Variants in UBE2E2 observed in about 807,000 individuals in gnomAD.
The protein encoded by UBE2E2 is ubiquitin conjugating enzyme E2 E2, also known as ubiquitin-conjugating enzyme E2 E2.
A neutral mutation model predicts 24.7 loss-of-function variants in UBE2E2; 6 were observed. The observed-to-expected ratio is 0.24, with a 90% CI of 0.13 to 0.48. UBE2E2 has a LOEUF of 0.48. Ranked by LOEUF, UBE2E2 falls within the 20% of genes least tolerant of loss-of-function variation. The probability of loss-of-function intolerance (pLI) is 0.99; values close to 1 mark genes in which losing one functional copy is unlikely to be tolerated. For synonymous variants in UBE2E2, 104 were observed against 83.6 expected (o/e 1.24, Z -1.33); for missense variants, 169 against 245.0 (o/e 0.69, Z 2.07).
At chr3:23,512,849 G>T (rs1011142591) in intron 4 of UBE2E2, among the ~76,000 whole-genome samples, 1 of 152,122 alleles carries the variant, frequency 6.6e-6, no homozygotes, top group African/African-American at 2.4e-5. Flanking sequence ...GTAGGCCAAT[G>T]CACGAGAATT....
chr3:23,383,482 TTTC>T (rs1696728261), intron 3 of UBE2E2, among the ~76,000 whole-genome samples: 1 of 152,162 alleles, frequency 6.6e-6, no homozygotes, highest in Admixed American at 6.5e-5. Context: ...CCTTTTTTTT[TTTC>T]TGTTTAACTG....
intron 3 of UBE2E2, among the ~76,000 whole-genome samples, chr3:23,436,451 G>A (rs1698186267): frequency 6.6e-6 from 1 of 152,090 alleles, no homozygotes; most frequent in Non-Finnish European, 1.5e-5. Flanking sequence ...TGTAGCATCT[G>A]TTGTATTCTC....
At chr3:23,344,582 T>A (rs938571208) in intron 3 of UBE2E2, among the ~76,000 whole-genome samples, 1 of 152,024 alleles carries the variant, frequency 6.6e-6, no homozygotes, top group African/African-American at 2.4e-5. Flanking sequence ...ATGAAGATAT[T>A]AAGAATTAAA....
At chr3:23,440,619 T>C (rs17013241) in intron 3 of UBE2E2, among the ~76,000 whole-genome samples, 15,542 of 152,198 alleles carry the variant, frequency 0.1, 928 homozygotes, top group East Asian at 0.13. Flanking sequence ...GGCTTTGAAA[T>C]ATAGAACCGT....
intron 3 of UBE2E2, among the ~76,000 whole-genome samples, chr3:23,299,931 A>G (rs917464166): frequency 7.9e-5 from 12 of 152,208 alleles, no homozygotes; most frequent in East Asian, 3.9e-4. Flanking sequence ...GTCTCTTTGT[A>G]GGTCACTCAG....
intron 3 of UBE2E2, among the ~76,000 whole-genome samples, chr3:23,481,478 C>A (rs1699258311): frequency 6.6e-6 from 1 of 152,222 alleles, no homozygotes; most frequent in African/African-American, 2.4e-5. Context: ...ACGTCCTTTG[C>A]ATTTGTTTCC....
chr3:23,391,922 G>A (rs1040808199), intron 3 of UBE2E2, among the ~76,000 whole-genome samples: 2 of 152,190 alleles, frequency 1.3e-5, no homozygotes, highest in East Asian at 3.9e-4. Context: ...TGTACCCATT[G>A]AATATAAAGA....
At chr3:23,319,872 A>G (rs1046552291) in intron 3 of UBE2E2, among the ~76,000 whole-genome samples, 3 of 151,970 alleles carry the variant, frequency 2.0e-5, no homozygotes, top group Admixed American at 6.6e-5. Flanking sequence ...CCAAAAAACA[A>G]CTATCCTCTT....
rs555439314 is a variant in UBE2E2 at position 23,351,561 on chromosome 3, G to A, written c.227+134249G>A. On this transcript the variant is annotated intron_variant, in intron 3 of 5. Coordinates refer to ENST00000396703, the MANE Select transcript of UBE2E2 (RefSeq NM_152653.4). ...AAGGTCTACCAAGCAAATGGAAAAC[G>A]AAAAAAGGCAGGGGTTGCAATCCTA... Among the ~76,000 whole-genome samples the A allele has an allele frequency of 2.8e-4, 42 of 151,874 alleles. No homozygotes were observed. In the East Asian group the frequency reaches 3.7e-3, roughly 13 times the overall value.
chr3:23,207,756 G>GCTTA (rs1346798569), intron 1 of UBE2E2, among the ~76,000 whole-genome samples: 7 of 152,160 alleles, frequency 4.6e-5, no homozygotes, highest in Admixed American at 4.6e-4. Context: ...GGACCAAAGG[G>GCTTA]CTTAGCACAG....
chr3:23,373,790 A>G (rs1416435671), intron 3 of UBE2E2, among the ~76,000 whole-genome samples: 1 of 152,180 alleles, frequency 6.6e-6, no homozygotes, highest in Non-Finnish European at 1.5e-5. Context: ...TTTATTCCCC[A>G]GAAGTTTGGA....
At chr3:23,513,932 G>C (rs1694669200) in intron 4 of UBE2E2, among the ~76,000 whole-genome samples, 1 of 152,252 alleles carries the variant, frequency 6.6e-6, no homozygotes, top group South Asian at 2.1e-4. Context: ...GTAGAAAGAG[G>C]CTTAACAGTC....
chr3:23,225,916 G>T (rs1243833562), intron 3 of UBE2E2, among the ~76,000 whole-genome samples: 17 of 150,376 alleles, frequency 1.1e-4, no homozygotes, highest in Admixed American at 6.0e-4. Flanking sequence ...GTCTTGCTCT[G>T]TTGCCCAGAC....
At chr3:23,482,082 C>T (rs1035021473) in intron 3 of UBE2E2, among the ~76,000 whole-genome samples, 3 of 152,170 alleles carry the variant, frequency 2.0e-5, no homozygotes, top group Admixed American at 2.0e-4. Context: ...GCATAATAGA[C>T]CATCCTTAGA....
chr3:23,406,751 C>T (rs1210435954), intron 3 of UBE2E2, among the ~76,000 whole-genome samples: 1 of 152,186 alleles, frequency 6.6e-6, no homozygotes, highest in Non-Finnish European at 1.5e-5. Context: ...GGAAACAATT[C>T]TCCTGCCAAC....
At chr3:23,578,193 A>G (rs138971835) in intron 5 of UBE2E2, among the ~76,000 whole-genome samples, 34 of 152,310 alleles carry the variant, frequency 2.2e-4, no homozygotes, top group Non-Finnish European at 4.1e-4. Flanking sequence ...AAAGCTCAAA[A>G]TCACTCATTA....
In UBE2E2 at chr3:23,406,706, G is replaced by A. The variant is rs532939451; in HGVS notation, c.228-92902G>A. On this transcript the variant is annotated intron_variant, in intron 3 of 5. Transcript: ENST00000396703. ...TATCCCTCTTAACCTTGTGTTCTGT[G>A]ACCATGACAATTGACTGTAAGGAAG... 1.8e-4 allele frequency among the ~76,000 whole-genome samples: 27 copies of A among 152,242 alleles called. No homozygotes were observed. The South Asian group carries it at 5.6e-3, about 32-fold the overall frequency.
intron 3 of UBE2E2, chr3:23,271,099 A>G (rs1241867580): frequency 1.1e-5 from 5 of 444,638 alleles, no homozygotes; most frequent in Non-Finnish European, 2.2e-5. Context: ...AGTAATGAAG[A>G]GAAATGGACC....
chr3:23,373,438 A>G (rs1324768758), intron 3 of UBE2E2, among the ~76,000 whole-genome samples: 1 of 152,186 alleles, frequency 6.6e-6, no homozygotes, highest in Non-Finnish European at 1.5e-5. Flanking sequence ...TCTGTAGTTC[A>G]AGATTCCACT....
Sources: gnomAD v4.1 joint callset for allele counts (sites outside exome capture counted in the v4.1 genomes callset) on GRCh38, gnomAD v4.1.1 for gene constraint, MANE v1.5 for transcripts, NCBI Gene and HGNC (gene_info 2026-07-23, HGNC 2026-07-21) for gene names.